The following SLCO4C1 variants were observed in gnomAD, a reference collection of about 807,000 sequenced individuals.
SLCO4C1 encodes the protein solute carrier organic anion transporter family member 4C1, also known as organic anion transporter M1.
Under a neutral mutation model 72.1 loss-of-function variants are expected in SLCO4C1, and 58 were observed. That is an observed-to-expected ratio of 0.80 (90% CI 0.65 to 1.00). The LOEUF (loss-of-function observed/expected upper bound fraction) is 1.00. SLCO4C1 is among the 50% of genes least tolerant of loss of function. SLCO4C1 has a pLI of 0.00. For synonymous variants in SLCO4C1, 297 were observed against 312.5 expected (o/e 0.95, Z 0.52); for missense variants, 898 against 857.9 (o/e 1.05, Z -0.58).
At chr5:102,258,162 TG>T in intron 6 of SLCO4C1, 75 bp from the exon 7 acceptor site, 5 of 1,229,598 alleles carry the variant, frequency 4.1e-6, no homozygotes, top group Non-Finnish European at 5.4e-6. Flanking sequence ...AAGGTTAGCA[TG>T]ATGAAATAAC....
chr5:102,275,297 G>C (rs1246468806), intron 2 of SLCO4C1, among the ~76,000 whole-genome samples: 1 of 151,932 alleles, frequency 6.6e-6, no homozygotes, highest in African/African-American at 2.4e-5. Context: ...GTACAAATGA[G>C]GAAAGTGAGC....
intron 7 of SLCO4C1, among the ~76,000 whole-genome samples, 178 bp downstream of exon 7, chr5:102,257,765 C>T (rs1309513057): frequency 2.6e-5 from 4 of 151,840 alleles, no homozygotes; most frequent in South Asian, 2.1e-4. Context: ...ACTACAGGTG[C>T]GTGCCACTAT....
At chr5:102,279,184 A>G (rs1749308423) in intron 2 of SLCO4C1, among the ~76,000 whole-genome samples, 1 of 151,942 alleles carries the variant, frequency 6.6e-6, no homozygotes, top group Admixed American at 6.6e-5. Context: ...CAAAGAAAAT[A>G]TAATAAATAA....
chr5:102,248,125 CCA>C (rs997658024), intron 9 of SLCO4C1, among the ~76,000 whole-genome samples: 48 of 151,972 alleles, frequency 3.2e-4, no homozygotes, highest in African/African-American at 1.1e-3. Flanking sequence ...TGAAACTTTA[CCA>C]CTCTCATTTG....
At position 102,238,316 on chromosome 5, in the gene SLCO4C1, T is replaced by C. The variant is rs953845768; in HGVS notation, c.2014+935A>G. Among the ~76,000 whole-genome samples the C allele has an allele frequency of 2.0e-5, 3 of 152,164 alleles. No homozygotes were observed. The East Asian group carries it at 5.8e-4, about 29-fold the overall frequency. On this transcript the variant is annotated intron_variant, in intron 12 of 12. Coordinates refer to ENST00000310954, the MANE Select transcript of SLCO4C1 (RefSeq NM_180991.5). ...ATAAAAACATTGTATGTAGCCATGA[T>C]TGTGGTAAAAATATATAATTTTAAA...
rs148284087 is a variant in SLCO4C1, at chr5:102,287,349, A to T, written c.619+3994T>A. Among the ~76,000 whole-genome samples, 4 of 152,240 alleles carry T rather than the reference A, an allele frequency of 2.6e-5. No individual in the cohort carries two copies. The East Asian group carries it at 7.7e-4, about 29-fold the overall frequency. On this transcript the variant is annotated intron_variant, in intron 2 of 12. Coordinates refer to ENST00000310954, the MANE Select transcript of SLCO4C1 (RefSeq NM_180991.5). ...GTTGGGGAAGAAATGCTTGAAATTC[A>T]TAAAAAATATTAAAATCATTCAATA...
chr5:102,294,443 A>AATTTTAT (rs1162292065), intron 1 of SLCO4C1, among the ~76,000 whole-genome samples: 2 of 152,224 alleles, frequency 1.3e-5, no homozygotes, highest in African/African-American at 2.4e-5. Context: ...TAGGAGTGAC[A>AATTTTAT]ATTACATTTG....
chr5:102,263,229 T>C (rs2112364020), intron 4 of SLCO4C1, among the ~76,000 whole-genome samples: 1 of 152,294 alleles, frequency 6.6e-6, no homozygotes, highest in African/African-American at 2.4e-5. Context: ...TCTATTACTA[T>C]CTTTCATTGT....
Position 102,249,808 on chromosome 5 carries a change from G to C in SLCO4C1, c.1470-20C>G. 1 of 1,609,472 alleles carries C rather than the reference G, an allele frequency of 6.2e-7. No homozygotes were observed. The highest frequency in any genetic ancestry group is 8.5e-7 in the Non-Finnish European group (1 of 1,178,660). Reference sequence around the variant, plus strand: ...CCAGTCCTGTAAATAAGAAATGAAAGAAGGGTAAATGATCTGTCATAACTT... The same window carrying C: ...CCAGTCCTGTAAATAAGAAATGAAACAAGGGTAAATGATCTGTCATAACTT... On this transcript the variant is annotated intron_variant, in intron 8 of 12. Transcript: ENST00000310954.
rs756098880 is a variant in SLCO4C1 at position 102,295,945 on chromosome 5, G to A, written c.318C>T (p.Gly106=). 4 of 1,614,222 alleles carry A rather than the reference G, an allele frequency of 2.5e-6. No homozygotes were observed. The Admixed American group carries it at 6.7e-5, about 27-fold the overall frequency. Residue 106 remains glycine, a synonymous_variant, in exon 1 of 13, where the codon GGC becomes GGT. Transcript: ENST00000310954. ...CCAAGAGGCAGTAGTGAAGCAGAAAGCCTCCAGGTGTGTTGCAGCGCTGGA... is the reference window on the plus strand; with the variant it reads ...CCAAGAGGCAGTAGTGAAGCAGAAAACCTCCAGGTGTGTTGCAGCGCTGGA... ...QCLQRCNTPG[G]FLLHYCLLAV...
At chr5:102,295,092 A>G (rs1192476549) in intron 1 of SLCO4C1, among the ~76,000 whole-genome samples, 2 of 151,868 alleles carry the variant, frequency 1.3e-5, no homozygotes, top group African/African-American at 4.8e-5. Context: ...TTTTCCTTCA[A>G]CCTCTGTATT....
At chr5:102,266,958 T>C (rs914441556) in intron 3 of SLCO4C1, among the ~76,000 whole-genome samples, 1 of 152,228 alleles carries the variant, frequency 6.6e-6, no homozygotes, top group Non-Finnish European at 1.5e-5. Context: ...AAACTAATTC[T>C]TGCATCACTG....
chr5:102,274,368 AT>A (rs1306717465), intron 2 of SLCO4C1, among the ~76,000 whole-genome samples: 1 of 152,180 alleles, frequency 6.6e-6, no homozygotes, highest in African/African-American at 2.4e-5. Flanking sequence ...ACCCACTAAT[AT>A]TGGCAGGTCT....
chr5:102,273,327 A>C (rs935000963), intron 2 of SLCO4C1, among the ~76,000 whole-genome samples: 1 of 152,180 alleles, frequency 6.6e-6, no homozygotes, highest in Non-Finnish European at 1.5e-5. Context: ...AAATTGATCT[A>C]TGATTTAAAA....
chr5:102,271,396 A>G (rs1276859511), intron 2 of SLCO4C1, among the ~76,000 whole-genome samples: 1 of 151,192 alleles, frequency 6.6e-6, no homozygotes, highest in Non-Finnish European at 1.5e-5. Context: ...TGATGTACAT[A>G]TTTTTTTAAG....
At chr5:102,246,122 T>C (rs1347265952) in intron 10 of SLCO4C1, among the ~76,000 whole-genome samples, 1 of 151,156 alleles carries the variant, frequency 6.6e-6, no homozygotes, top group Non-Finnish European at 1.5e-5. Flanking sequence ...TCTTAAAGAA[T>C]TAGAAAAACA....
At chr5:102,256,107 G>A (rs888774028) in intron 8 of SLCO4C1, among the ~76,000 whole-genome samples, 11 of 152,148 alleles carry the variant, frequency 7.2e-5, no homozygotes, top group Non-Finnish European at 1.2e-4. Flanking sequence ...TCCAGAGGCT[G>A]AGACAAGAAT....
At chr5:102,251,025 T>C (rs537250231) in intron 8 of SLCO4C1, among the ~76,000 whole-genome samples, 1 of 151,584 alleles carries the variant, frequency 6.6e-6, no homozygotes, top group Non-Finnish European at 1.5e-5. Flanking sequence ...TGAGTACAAG[T>C]AAGCCAGTCA....
chr5:102,281,203 G>T (rs988540174), intron 2 of SLCO4C1, among the ~76,000 whole-genome samples: 4 of 152,106 alleles, frequency 2.6e-5, no homozygotes, highest in African/African-American at 7.2e-5. Context: ...TTCAATGGTT[G>T]AAGGACAGAC....
Sources: allele counts gnomAD v4.1 joint callset (sites outside exome capture counted in the v4.1 genomes callset), GRCh38; gene constraint gnomAD v4.1.1; transcripts MANE v1.5; gene names NCBI Gene and HGNC (gene_info 2026-07-23, HGNC 2026-07-21).